The following MTUS1 variants were observed in gnomAD, a reference collection of about 807,000 sequenced individuals.
The protein encoded by MTUS1 is microtubule-associated tumor suppressor 1.
Under a neutral mutation model 120.8 loss-of-function variants are expected in MTUS1, and 109 were observed. The ratio of observed to expected loss-of-function variants is 0.90; its 90% confidence interval spans 0.77 to 1.06. The LOEUF (loss-of-function observed/expected upper bound fraction) is 1.06, where lower values mean the gene tolerates loss of function less well. MTUS1 is among the 50% of genes least tolerant of loss of function. The pLI is 0.00. For missense variants in MTUS1, 2,210 were observed against 1,486.3 expected (o/e 1.49, Z -8.01); for synonymous variants, 737 against 550.5 (o/e 1.34, Z -4.74).
At chr8:17,744,682 A>G (rs1586111784) in intron 2 of MTUS1, among the ~76,000 whole-genome samples, 1 of 115,186 alleles carries the variant, frequency 8.7e-6, no homozygotes, top group African/African-American at 3.3e-5. Flanking sequence ...GGGTTTCACC[A>G]TGTTTTCTTT....
chr8:17,795,696 G>C (rs1013731683), intron 1 of MTUS1, among the ~76,000 whole-genome samples: 4 of 152,232 alleles, frequency 2.6e-5, no homozygotes, highest in African/African-American at 9.6e-5. Context: ...CTAGAGGGCA[G>C]TGATGCGATC....
chr8:17,794,120 G>A (rs2052023285), intron 1 of MTUS1, among the ~76,000 whole-genome samples: 1 of 152,112 alleles, frequency 6.6e-6, no homozygotes, highest in South Asian at 2.1e-4. Flanking sequence ...CTGAGGTCAG[G>A]AGTTCGAGAC....
chr8:17,743,986 G>C (rs1441883399), intron 2 of MTUS1, among the ~76,000 whole-genome samples, 187 bp from the exon 3 acceptor site: 3 of 152,128 alleles, frequency 2.0e-5, no homozygotes, highest in African/African-American at 7.2e-5. Context: ...AGGCACAACT[G>C]ACCAGAATTA....
At chr8:17,797,852 G>C (rs1001596691) in intron 1 of MTUS1, among the ~76,000 whole-genome samples, 4 of 152,148 alleles carry the variant, frequency 2.6e-5, no homozygotes, top group Admixed American at 6.5e-5. Flanking sequence ...CCTTTAGTGA[G>C]GACTTTCAGG....
chr8:17,676,049 TA>T (rs906612935), intron 7 of MTUS1: 771 of 521,938 alleles, frequency 1.5e-3, no homozygotes, highest in African/African-American at 2.2e-3. Context: ...AGGGAGTAAC[TA>T]AAAAAAAAAT....
At chr8:17,750,608 T>G (rs1472918780) in intron 2 of MTUS1, among the ~76,000 whole-genome samples, 1 of 152,200 alleles carries the variant, frequency 6.6e-6, no homozygotes, top group Admixed American at 6.5e-5. Flanking sequence ...TTAAGTGACC[T>G]CGCTGAAGTA....
Position 17,743,803 on chromosome 8 carries a change from T to C in MTUS1, c.2092-4A>G. The C allele has an allele frequency of 6.2e-7, 1 of 1,612,854 alleles. No homozygotes were observed. Among genetic ancestry groups the C allele is most frequent in the Non-Finnish European group, 8.5e-7 (1 of 1,179,432 alleles). On this transcript the variant is annotated splice_polypyrimidine_tract_variant and splice_region_variant and intron_variant, in intron 2 of 14. Transcript: ENST00000693296. ...TCGTTGTTTTTGAAGCAGAGCCCTG[T>C]GAAAATAACAGTTAAGACTGTAAAC...
intron 6 of MTUS1, among the ~76,000 whole-genome samples, chr8:17,701,241 T>C (rs1206444478): frequency 6.6e-6 from 1 of 152,206 alleles, no homozygotes; most frequent in Non-Finnish European, 1.5e-5. Flanking sequence ...TTCATTTTAC[T>C]CCTCACAGTC....
chr8:17,772,342 G>A (rs765536354), intron 1 of MTUS1, among the ~76,000 whole-genome samples: 12 of 152,132 alleles, frequency 7.9e-5, no homozygotes, highest in African/African-American at 1.4e-4. Flanking sequence ...AAAGCTACAG[G>A]TGAAAACAAG....
At chr8:17,744,936 G>A (rs999125123) in intron 2 of MTUS1, among the ~76,000 whole-genome samples, 19 of 152,016 alleles carry the variant, frequency 1.2e-4, no homozygotes, top group African/African-American at 1.9e-4. Context: ...CCAAACTAAC[G>A]TGTATCTCAA....
intron 6 of MTUS1, among the ~76,000 whole-genome samples, chr8:17,687,519 T>C (rs890438947): frequency 1.3e-5 from 2 of 152,196 alleles, no homozygotes; most frequent in Admixed American, 1.3e-4. Context: ...ATAACAAAGG[T>C]TTTATACAGA....
intron 13 of MTUS1, among the ~76,000 whole-genome samples, chr8:17,649,609 G>A (rs1445846424): frequency 6.6e-6 from 1 of 152,154 alleles, no homozygotes; most frequent in East Asian, 1.9e-4. Context: ...TTTGTTTGTA[G>A]TTTTTCCAAG....
chr8:17,721,993 G>T, intron 4 of MTUS1: 1 of 1,365,444 alleles, frequency 7.3e-7, no homozygotes, highest in South Asian at 2.1e-5. Flanking sequence ...TTCGAATGGA[G>T]GGAAAAAAAA....
rs2046045900 is a variant in MTUS1, at chr8:17,724,168, A to G, written c.2288-335T>C. On this transcript the variant is annotated intron_variant, in intron 3 of 14. Transcript: ENST00000693296. ...GAAAGCAGCTTTTGGCAAAACTGAAATAAAAAAATAAACAAATTGATACGA... is the reference window on the plus strand; with the variant it reads ...GAAAGCAGCTTTTGGCAAAACTGAAGTAAAAAAATAAACAAATTGATACGA... 3 of 469,760 alleles carry G rather than the reference A, an allele frequency of 6.4e-6. 1 individual carries two copies. Among genetic ancestry groups the G allele is most frequent in the Non-Finnish European group, 1.2e-5 (3 of 240,722 alleles). The allele number at this position is 469,760 out of a possible 1,614,324, so 29.1% of individuals were successfully genotyped here.
Position 17,754,113 on chromosome 8 carries a change from T to C in MTUS1, c.1695A>G (p.Lys565=). 1 of 1,614,036 alleles carries C rather than the reference T, an allele frequency of 6.2e-7. No individual in the cohort carries two copies. The highest frequency in any genetic ancestry group is 2.2e-5 in the East Asian group (1 of 44,884). Residue 565 remains lysine, a synonymous_variant, in exon 2 of 15, where the codon AAA becomes AAG. Coordinates refer to ENST00000693296, the MANE Select transcript of MTUS1 (RefSeq NM_001363059.2). ...RTPRSDLNAD[K]KAEILINKTH... ...TCTTGTTAATTAGAATTTCTGCTTT[T>C]TTGTCTGCATTCAAGTCAGATCTCG...
chr8:17,753,227 G>A (rs1361596132), intron 2 of MTUS1, among the ~76,000 whole-genome samples: 1 of 152,114 alleles, frequency 6.6e-6, no homozygotes, highest in Non-Finnish European at 1.5e-5. Flanking sequence ...GAAAAATCAA[G>A]AACACTCTTG....
chr8:17,657,016 G>A (rs375093625), intron 8 of MTUS1, among the ~76,000 whole-genome samples: 38 of 130,166 alleles, frequency 2.9e-4, no homozygotes, highest in African/African-American at 9.0e-4. Flanking sequence ...CCGAGATTGC[G>A]CCACTGCACT....
At chr8:17,769,408 C>A (rs1457063425) in intron 1 of MTUS1, among the ~76,000 whole-genome samples, 1 of 146,798 alleles carries the variant, frequency 6.8e-6, no homozygotes, top group African/African-American at 2.5e-5. Context: ...AGTGCAGTGG[C>A]GCGATCTCGG....
Position 17,645,692 on chromosome 8 carries a change from T to C in MTUS1, c.*234A>G. The C allele has an allele frequency of 2.0e-6, 1 of 493,908 alleles. No homozygotes were observed. The highest frequency in any genetic ancestry group is 3.6e-5 in the South Asian group (1 of 27,756). The allele number at this position is 493,908 out of a possible 1,614,324, so 30.6% of individuals were successfully genotyped here. On this transcript the variant is annotated 3_prime_UTR_variant, in exon 15 of 15. Transcript: ENST00000693296. ...CTTTGTGCAACAACGTCCGTGTCGA[T>C]GCCGAAATCTTTTTTTAAATCTTTT...
Sources: gnomAD v4.1 joint callset for allele counts (sites outside exome capture counted in the v4.1 genomes callset) on GRCh38, gnomAD v4.1.1 for gene constraint, MANE v1.5 for transcripts, NCBI Gene and HGNC (gene_info 2026-07-23, HGNC 2026-07-21) for gene names.